The following MAN2C1 variants were observed in gnomAD, a reference collection of about 807,000 sequenced individuals.
MAN2C1 encodes mannosidase alpha class 2C member 1, also known as alpha-mannosidase 2C1.
Under a neutral mutation model 126.9 loss-of-function variants are expected in MAN2C1, and 111 were observed. The ratio of observed to expected loss-of-function variants is 0.87; its 90% CI spans 0.75 to 1.02. The LOEUF (loss-of-function observed/expected upper bound fraction) is 1.02. MAN2C1 is among the 50% of genes least tolerant of loss of function. MAN2C1 has a pLI of 0.00. For synonymous variants in MAN2C1, 567 were observed against 561.5 expected (o/e 1.01, Z -0.14); for missense variants, 1,363 against 1,364.4 (o/e 1.00, Z 0.02).
rs1379615383 is a variant in MAN2C1, at chr15:75,356,032, G to A, written c.2997C>T (p.Leu999=). 1 of 1,613,954 alleles carries A rather than the reference G, an allele frequency of 6.2e-7. No homozygotes were observed. Among genetic ancestry groups the A allele is most frequent in the Non-Finnish European group, 8.5e-7 (1 of 1,179,930 alleles). Residue 999 remains leucine, a splice_region_variant and synonymous_variant, in exon 26 of 26, where the codon CTC becomes CTT. Coordinates refer to ENST00000267978, the MANE Select transcript of MAN2C1 (RefSeq NM_006715.4). The surrounding 1 kb of genome is among the most constrained non-coding windows in gnomAD (Gnocchi z 5.8). Reference sequence around the variant, plus strand: ...GGTCTGGTCGCTCCAAGAGATCGCAGCTGGAGAACAGGAGGGGCCATGAAG... The same window carrying A: ...GGTCTGGTCGCTCCAAGAGATCGCAACTGGAGAACAGGAGGGGCCATGAAG... ...HLSLPVQEAI[L]CDLLERPDPA...
chr15:75,359,774 G>A lies in MAN2C1; in HGVS notation c.1794C>T (p.Asp598=). 1 of 1,613,836 alleles carries A rather than the reference G, an allele frequency of 6.2e-7. No homozygotes were observed. The change falls in exon 16 of 26, where the codon GAC becomes GAT. Residue 598 remains aspartate (D), a splice_region_variant and synonymous_variant. Coordinates refer to ENST00000267978, the MANE Select transcript of MAN2C1 (RefSeq NM_006715.4). The part of the protein sequence containing the change: ...VAEEAMCHYE[D]IRSHGNTLLS... ...GCAGTGTATTGCCATGGGAACGGAT[G>A]TCTGAGGAAAGACTGGCTGGTCATA... is the stretch of plus-strand genomic sequence containing the variant.
Position 75,358,752 on chromosome 15 carries a change from G to A in MAN2C1, c.2198C>T (p.Pro733Leu), listed in dbSNP as rs753155446. ...GNQFVLFDDV[P>L]LYWDAWDVMD... ...GACGTCCCATGCATCCCAGTACAAG[G>A]GGACATCATCAAATAGCACAAACTG... Residue 733 changes from proline to leucine, a missense_variant, in exon 19 of 26, where the codon CCC (proline) becomes CTC (leucine). Around this residue, in one of 3 missense-constraint regions of MAN2C1, gnomAD observed 668 missense variants for 650.1 expected, o/e 1.03. Coordinates refer to ENST00000267978, the MANE Select transcript of MAN2C1 (RefSeq NM_006715.4). 1.2e-6 allele frequency: 2 copies of A among 1,613,776 alleles called. No homozygotes were observed. The highest frequency in any genetic ancestry group is 1.7e-5 in the Admixed American group (1 of 60,002).
In MAN2C1 at chr15:75,362,828, G is replaced by T; in HGVS notation, c.791-80C>A. 8.4e-7 allele frequency: 1 copy of T among 1,186,398 alleles called. No homozygotes were observed. The highest frequency in any genetic ancestry group is 1.2e-6 in the Non-Finnish European group (1 of 805,148). The allele number at this position is 1,186,398 out of a possible 1,614,324, so 73.5% of individuals were successfully genotyped here. A position where few individuals can be genotyped will look rare whatever the true frequency, so the allele number is the denominator to read the frequency against. The stretch of plus-strand genomic sequence containing the variant: ...GGCTGGGACTCCAGAGGGTCACCTA[G>T]CCCCCCTCCCATCCCAGGCCCTTCA... On this transcript the variant is annotated intron_variant, in intron 6 of 25. Coordinates refer to ENST00000267978, the MANE Select transcript of MAN2C1 (RefSeq NM_006715.4). This position sits in a 1 kb window ranked among gnomAD's most constrained non-coding sequence, Gnocchi z 4.5.
rs753749436 is a variant in MAN2C1 at position 75,360,115 on chromosome 15, C to A, written c.1681G>T (p.Ala561Ser). ...LARSAQFLYP[A>S]AQLQHLWRLL... ...CTCCAGAGGTGCTGCAGCTGGGCTGCTGGGTATAGGAACTGGGCACTGCGG... is the reference window on the plus strand; with the variant it reads ...CTCCAGAGGTGCTGCAGCTGGGCTGATGGGTATAGGAACTGGGCACTGCGG... Residue 561 changes from alanine (A) to serine (S), a missense_variant, in exon 14 of 26, where the codon GCA becomes TCA. By Grantham distance (99) the Ala-to-Ser change is moderately conservative. This residue lies in a region of MAN2C1 where 668 missense variants were observed against 650.1 expected (regional missense o/e 1.03). Transcript: ENST00000267978. 3.1e-6 allele frequency: 5 copies of A among 1,613,872 alleles called. No individual in the cohort carries two copies. The African/African-American group carries it at 6.7e-5, about 22-fold the overall frequency.
rs1025022934 is a variant in MAN2C1 at position 75,361,216 on chromosome 15, A to G, written c.1315-25T>C. On this transcript the variant is annotated intron_variant, in intron 11 of 25. Transcript: ENST00000267978. The surrounding 1 kb of genome is among the most constrained non-coding windows in gnomAD (Gnocchi z 5.0). ...CCTAGACAGGTGAGGGCAGGCCAGC[A>G]TGGATCAGCCTGGAACAAGCCAGCC... The G allele has an allele frequency of 1.2e-6, 2 of 1,607,218 alleles. No homozygotes were observed. Among genetic ancestry groups the G allele is most frequent in the East Asian group, 2.2e-5 (1 of 44,678 alleles).
Position 75,362,796 on chromosome 15 carries a change from A to G in MAN2C1, c.791-48T>C. The G allele has an allele frequency of 1.9e-6, 3 of 1,544,684 alleles. No homozygotes were observed. The highest frequency in any genetic ancestry group is 2.7e-6 in the Non-Finnish European group (3 of 1,119,130). ...GACAGAGGGAGCAGCAAGGCTGACC[A>G]GGCCTGGGCTGGGACTCCAGAGGGT... On this transcript the variant is annotated intron_variant, in intron 6 of 25. Coordinates refer to ENST00000267978, the MANE Select transcript of MAN2C1 (RefSeq NM_006715.4). This position sits in a 1 kb window ranked among gnomAD's most constrained non-coding sequence, Gnocchi z 4.5.
At chr15:75,358,953 A>G in intron 18 of MAN2C1, 106 bp downstream of exon 18, 2 of 1,529,470 alleles carry the variant, frequency 1.3e-6, no homozygotes, top group Non-Finnish European at 1.8e-6. Flanking sequence ...GTTCCAGCCC[A>G]GAGCCACTGG....
chr15:75,359,112 C>T lies in MAN2C1; in HGVS notation c.2088G>A (p.Val696=). The T allele has an allele frequency of 1.2e-6, 2 of 1,614,054 alleles. No homozygotes were observed. The highest frequency in any genetic ancestry group is 2.2e-5 in the East Asian group (1 of 44,888). The change falls in exon 18 of 26, where the codon GTG becomes GTA. Residue 696 remains valine (V), a synonymous_variant. Coordinates refer to ENST00000267978, the MANE Select transcript of MAN2C1 (RefSeq NM_006715.4). ...SVTLDNGIIR[V]KLDPTGRLTS... ...TCAGGCGACCAGTTGGGTCCAGCTT[C>T]ACTCGGATGATGCCATTGTCCAGAG...
At position 75,362,487 on chromosome 15, in the gene MAN2C1, T is replaced by C; in HGVS notation, c.898-34A>G. On this transcript the variant is annotated intron_variant, in intron 7 of 25. Coordinates refer to ENST00000267978, the MANE Select transcript of MAN2C1 (RefSeq NM_006715.4). The surrounding 1 kb of genome is among the most constrained non-coding windows in gnomAD (Gnocchi z 4.5). Reference sequence around the variant, plus strand: ...AGGTTGAAGGGAGCTGGGACCAGAGTGACAAGGGCCCCACCCAGGACTGAG... The same window carrying C: ...AGGTTGAAGGGAGCTGGGACCAGAGCGACAAGGGCCCCACCCAGGACTGAG... The C allele has an allele frequency of 6.4e-7, 1 of 1,571,056 alleles. No homozygotes were observed. Among genetic ancestry groups the C allele is most frequent in the Non-Finnish European group, 8.7e-7 (1 of 1,154,282 alleles).
At chr15:75,366,630 C>A (rs1258591194) in intron 3 of MAN2C1, 38 bp from the exon 4 acceptor site, 4 of 1,516,264 alleles carry the variant, frequency 2.6e-6, no homozygotes, top group Admixed American at 1.8e-5. Context: ...AGGCTTGAGG[C>A]TTTTGGACAG....
Position 75,359,150 on chromosome 15 carries a change from C to G in MAN2C1, c.2050G>C (p.Asp684His), listed in dbSNP as rs1187654452. 1 of 1,613,940 alleles carries G rather than the reference C, an allele frequency of 6.2e-7. No individual in the cohort carries two copies. The highest frequency in any genetic ancestry group is 1.7e-5 in the Admixed American group (1 of 60,022). ...CCATTGTCCAGAGTCACGGAGCCATCAGTCTTTGTGGGAGGAGGCCTTGAG... is the reference window on the plus strand; with the variant it reads ...CCATTGTCCAGAGTCACGGAGCCATGAGTCTTTGTGGGAGGAGGCCTTGAG... ...QQPVFVVQET[D>H]GSVTLDNGII... Residue 684 changes from aspartate to histidine, a missense_variant, in exon 18 of 26, where the codon GAT (aspartate) becomes CAT (histidine). Physicochemically the swap from Asp to His is moderately conservative, Grantham distance 81. Transcript: ENST00000267978.
chr15:75,367,863 A>G, intron 2 of MAN2C1: 1 of 872,644 alleles, frequency 1.1e-6, no homozygotes, highest in East Asian at 2.7e-5. Context: ...AGGGATGTCC[A>G]GAGGCGGCCA....
chr15:75,359,692 T>C lies in MAN2C1; in HGVS notation c.1876A>G (p.Ile626Val), dbSNP rs1329977337. Residue 626 changes from isoleucine to valine, a missense_variant, in exon 16 of 26, where the codon ATC becomes GTC. Coordinates refer to ENST00000267978, the MANE Select transcript of MAN2C1 (RefSeq NM_006715.4). ...CGCTTCCAGGGCAGTGTGTTGACGA[T>C]GAGGAGGCCCTCAGGACCTGGCTCC... ...AGEPGPEGLL[I>V]VNTLPWKRIE... is the part of the protein sequence containing the mutation. 7 of 1,614,150 alleles carry C rather than the reference T, an allele frequency of 4.3e-6. No individual in the cohort carries two copies. The highest frequency in any genetic ancestry group is 1.6e-4 in the Middle Eastern group (1 of 6,062).
chr15:75,356,757 A>T lies in MAN2C1; in HGVS notation c.2657+36T>A. On this transcript the variant is annotated intron_variant, in intron 22 of 25. Transcript: ENST00000267978. The surrounding 1 kb of genome is among the most constrained non-coding windows in gnomAD (Gnocchi z 5.8). ...TGTGGTCGGGAAGACCCATTTCTCC[A>T]TGCCAGCTCCCAGGCCTGGTGGGTA... 6.2e-7 allele frequency: 1 copy of T among 1,613,358 alleles called. No individual in the cohort carries two copies. Among genetic ancestry groups the T allele is most frequent in the South Asian group, 1.1e-5 (1 of 91,062 alleles).
At chr15:75,367,347 T>C (rs1329610836) in intron 3 of MAN2C1, among the ~76,000 whole-genome samples, 164 bp downstream of exon 3, 1 of 152,198 alleles carries the variant, frequency 6.6e-6, no homozygotes, top group African/African-American at 2.4e-5. Context: ...TAAGGACCAA[T>C]TGCACAGATG....
chr15:75,362,022 A>C lies in MAN2C1; in HGVS notation c.1009-75T>G. The C allele has an allele frequency of 3.6e-6, 4 of 1,115,066 alleles. No homozygotes were observed. Among genetic ancestry groups the C allele is most frequent in the Non-Finnish European group, 5.5e-6 (4 of 731,736 alleles). The allele number at this position is 1,115,066 out of a possible 1,614,324, so 69.1% of individuals were successfully genotyped here. Reference sequence around the variant, plus strand: ...GCAGGCAGGCGCTCAGGCCAACCCAATCCCTGCAGGAGAAGCCAGGGCTGC... The same window carrying C: ...GCAGGCAGGCGCTCAGGCCAACCCACTCCCTGCAGGAGAAGCCAGGGCTGC... On this transcript the variant is annotated intron_variant, in intron 8 of 25. Transcript: ENST00000267978. The surrounding 1 kb of genome is among the most constrained non-coding windows in gnomAD (Gnocchi z 4.5).
chr15:75,364,117 G>A lies in MAN2C1; in HGVS notation c.672C>T (p.Asp224=). ...CTGGGAAGGTCTCGGGCTGGGCAGGGTCACACACGTTCACCATCTGATTGG... is the reference window on the plus strand; with the variant it reads ...CTGGGAAGGTCTCGGGCTGGGCAGGATCACACACGTTCACCATCTGATTGG... ...YTANQMVNVC[D]PAQPETFPVA... Residue 224 remains aspartate, a synonymous_variant, in exon 6 of 26, where the codon GAC becomes GAT. Coordinates refer to ENST00000267978, the MANE Select transcript of MAN2C1 (RefSeq NM_006715.4). 1 of 1,614,204 alleles carries A rather than the reference G, an allele frequency of 6.2e-7. No homozygotes were observed. The highest frequency in any genetic ancestry group is 8.5e-7 in the Non-Finnish European group (1 of 1,180,014).
intron 4 of MAN2C1, 75 bp from the exon 5 acceptor site, chr15:75,364,740 G>A (rs2072542862): frequency 6.5e-6 from 9 of 1,375,982 alleles, no homozygotes; most frequent in African/African-American, 1.5e-5. Context: ...GGGGCACCCA[G>A]GAGGCATCCA....
In MAN2C1 at chr15:75,364,005, C is replaced by A; in HGVS notation, c.784G>T (p.Asp262Tyr). The stretch of plus-strand genomic sequence containing the variant: ...CAACCAGCTGCTGTCCTACCTGTAT[C>A]AATGTGGCAGTGCCCTGTGGCATGA... ...TIHATGHCHI[D>Y]TAWLWPFKET... The change falls in exon 6 of 26, where the codon GAT becomes TAT. Residue 262 changes from aspartate to tyrosine, a missense_variant. By Grantham distance (160) the Asp-to-Tyr change is radical. Coordinates refer to ENST00000267978, the MANE Select transcript of MAN2C1 (RefSeq NM_006715.4). 6.2e-7 allele frequency: 1 copy of A among 1,614,084 alleles called. No homozygotes were observed. Among genetic ancestry groups the A allele is most frequent in the Non-Finnish European group, 8.5e-7 (1 of 1,179,988 alleles).
Sources: allele counts gnomAD v4.1 joint callset (sites outside exome capture counted in the v4.1 genomes callset), GRCh38; gene constraint gnomAD v4.1.1; regional missense constraint gnomAD v4.1.1; non-coding constraint Gnocchi (gnomAD v3.1); transcripts MANE v1.5; gene names NCBI Gene and HGNC (gene_info 2026-07-23, HGNC 2026-07-21).